Variants in ROPN1 observed in about 807,000 individuals in gnomAD.
ROPN1 encodes rhophilin associated tail protein 1, also known as ropporin-1A.
A neutral mutation model predicts 20.5 loss-of-function variants in ROPN1; 14 were observed. That is an observed-to-expected ratio of 0.68 (90% CI 0.45 to 1.07). ROPN1 has a LOEUF of 1.07. ROPN1 is among the 50% of genes least tolerant of loss of function. ROPN1 has a pLI of 0.00. For synonymous variants in ROPN1, 76 were observed against 95.7 expected (o/e 0.79, Z 1.20); for missense variants, 169 against 242.8 (o/e 0.70, Z 2.02).
intron 1 of ROPN1, among the ~76,000 whole-genome samples, chr3:123,982,468 G>T (rs893318761): frequency 1.3e-5 from 2 of 152,114 alleles, no homozygotes; most frequent in African/African-American, 4.8e-5. Context: ...ATGTTATTAG[G>T]GAAATACAAC....
chr3:123,982,707 T>C (rs1242039170), intron 1 of ROPN1, among the ~76,000 whole-genome samples: 1 of 152,232 alleles, frequency 6.6e-6, no homozygotes, highest in East Asian at 1.9e-4. Flanking sequence ...TCTGCACATA[T>C]ATATATTCTT....
intron 4 of ROPN1, among the ~76,000 whole-genome samples, chr3:123,973,216 A>G (rs1317785067): frequency 2.0e-5 from 3 of 152,202 alleles, no homozygotes; most frequent in African/African-American, 7.2e-5. Context: ...GAAACAGTCC[A>G]GCTCCAGCAT....
chr3:123,982,703 C>CAT (rs1407801774), intron 1 of ROPN1, among the ~76,000 whole-genome samples: 2 of 152,100 alleles, frequency 1.3e-5, no homozygotes, highest in East Asian at 1.9e-4. Context: ...GTTGTCTGCA[C>CAT]ATATATATAT....
At chr3:123,972,507 C>A (rs13100953) in intron 4 of ROPN1, among the ~76,000 whole-genome samples, 16,807 of 152,294 alleles carry the variant, frequency 0.11, 1,179 homozygotes, top group Middle Eastern at 0.22. Context: ...CATACGTGAT[C>A]TCTTCCTTTT....
intron 1 of ROPN1, among the ~76,000 whole-genome samples, chr3:123,987,407 T>C (rs2038288160): frequency 1.3e-5 from 2 of 152,218 alleles, no homozygotes. Context: ...TCTGAAGACA[T>C]GTTAAAAGCA....
At chr3:123,974,320 C>T (rs2037973188) in intron 4 of ROPN1, among the ~76,000 whole-genome samples, 1 of 152,130 alleles carries the variant, frequency 6.6e-6, no homozygotes, top group South Asian at 2.1e-4. Context: ...AACTCATAGG[C>T]CTCTGCTGCT....
At chr3:123,985,271 C>T (rs765665991) in intron 1 of ROPN1, among the ~76,000 whole-genome samples, 1 of 152,190 alleles carries the variant, frequency 6.6e-6, no homozygotes, top group Non-Finnish European at 1.5e-5. Flanking sequence ...TTCCTTTCAA[C>T]CATCTTGTTA....
chr3:123,984,516 A>T (rs2038210813), intron 1 of ROPN1, among the ~76,000 whole-genome samples: 1 of 152,122 alleles, frequency 6.6e-6, no homozygotes, highest in African/African-American at 2.4e-5. Flanking sequence ...CCTATTGTGC[A>T]GCCTCCTGAC....
intron 1 of ROPN1, among the ~76,000 whole-genome samples, chr3:123,984,631 C>A (rs992953743): frequency 6.6e-6 from 1 of 152,134 alleles, no homozygotes; most frequent in Non-Finnish European, 1.5e-5. Context: ...CACAAAATGA[C>A]AATCATATCC....
intron 1 of ROPN1, chr3:123,981,546 G>A (rs894558703): frequency 1.3e-5 from 2 of 153,816 alleles, no homozygotes; most frequent in African/African-American, 4.8e-5. Context: ...GCGTGAAAAG[G>A]TGTGGCTGAA....
chr3:123,986,111 T>G (rs1048471056), intron 1 of ROPN1, among the ~76,000 whole-genome samples: 8 of 150,612 alleles, frequency 5.3e-5, no homozygotes, highest in Non-Finnish European at 1.2e-4. Flanking sequence ...GTTTCCAAAA[T>G]TCCCCCTTTA....
At chr3:123,977,602 G>C (rs17376453) in intron 2 of ROPN1, among the ~76,000 whole-genome samples, 17,123 of 152,264 alleles carry the variant, frequency 0.11, 1,226 homozygotes, top group Middle Eastern at 0.22. Context: ...AATCAGGAAG[G>C]GTTTCTGGCT....
chr3:123,991,408 G>A (rs1467767969), intron 1 of ROPN1: 2 of 66,570 alleles, frequency 3.0e-5, no homozygotes, highest in African/African-American at 5.7e-5. Context: ...AAAATAATGC[G>A]TGATAGGAGT....
chr3:123,969,731 G>T (rs1420239911), intron 5 of ROPN1, among the ~76,000 whole-genome samples: 1 of 152,196 alleles, frequency 6.6e-6, no homozygotes, highest in Non-Finnish European at 1.5e-5. Flanking sequence ...AGATTCCTGG[G>T]CTCTGGCCCT....
At chr3:123,988,099 G>A (rs187042862) in intron 1 of ROPN1, among the ~76,000 whole-genome samples, 2 of 152,114 alleles carry the variant, frequency 1.3e-5, no homozygotes, top group East Asian at 3.9e-4. Context: ...TTTATTAAGA[G>A]TAAGTGTCAT....
At chr3:123,972,223 C>T (rs1001555400) in intron 4 of ROPN1, among the ~76,000 whole-genome samples, 2 of 152,198 alleles carry the variant, frequency 1.3e-5, no homozygotes, top group African/African-American at 2.4e-5. Context: ...TCAAATTCTA[C>T]TGCCTCATAA....
intron 1 of ROPN1, among the ~76,000 whole-genome samples, chr3:123,990,330 A>G (rs1010704242): frequency 6.6e-6 from 1 of 151,850 alleles, no homozygotes; most frequent in African/African-American, 2.4e-5. Flanking sequence ...GAAGGTGGAG[A>G]AGGAGGAAGA....
At chr3:123,984,644 A>T (rs192423844) in intron 1 of ROPN1, among the ~76,000 whole-genome samples, 71 of 152,110 alleles carry the variant, frequency 4.7e-4, no homozygotes, top group Non-Finnish European at 5.1e-4. Context: ...TCATATCCTG[A>T]CTTTCAAGGT....
At chr3:123,971,426 T>C (rs775340604) in intron 4 of ROPN1, among the ~76,000 whole-genome samples, 28 of 152,250 alleles carry the variant, frequency 1.8e-4, no homozygotes, top group Non-Finnish European at 2.2e-4. Context: ...TAAGCATTGT[T>C]ATTTTATAAA....
Sources: allele counts gnomAD v4.1 joint callset (sites outside exome capture counted in the v4.1 genomes callset), GRCh38; gene constraint gnomAD v4.1.1; transcripts MANE v1.5; gene names NCBI Gene and HGNC (gene_info 2026-07-23, HGNC 2026-07-21).